PACRG: variants seen among roughly 807,000 people sequenced by gnomAD.
PACRG encodes the protein parkin coregulated gene protein.
PACRG carries 29 observed loss-of-function variants against 29.7 expected under a neutral mutation model. The ratio of observed to expected loss-of-function variants is 0.98; its 90% CI spans 0.73 to 1.33. The LOEUF (loss-of-function observed/expected upper bound fraction) is 1.33. Among genes scored for constraint, PACRG ranks in the 40% most tolerant of loss-of-function variants. The pLI is 0.00. For synonymous variants in PACRG, 116 were observed against 118.7 expected, an observed-to-expected ratio of 0.98 and a Z score of 0.15; for missense variants, 279 against 316.2, an observed-to-expected ratio of 0.88 and a Z score of 0.89.
At chr6:163,071,880 A>G (rs955243484) in intron 3 of PACRG, among the ~76,000 whole-genome samples, 2 of 151,654 alleles carry the variant, frequency 1.3e-5, no homozygotes, top group Non-Finnish European at 2.9e-5. Flanking sequence ...AGGTTGAATC[A>G]TAAAGAAATC....
At chr6:162,755,714 GGCATGA>G (rs1279319711) in intron 1 of PACRG, among the ~76,000 whole-genome samples, 1 of 152,176 alleles carries the variant, frequency 6.6e-6, no homozygotes, top group Non-Finnish European at 1.5e-5. Context: ...TGGGATTACA[GGCATGA>G]GCCATGGCAC....
intron 4 of PACRG, among the ~76,000 whole-genome samples, chr6:163,239,238 T>C (rs1259368202): frequency 6.6e-6 from 1 of 152,228 alleles, no homozygotes; most frequent in Non-Finnish European, 1.5e-5. Flanking sequence ...TGATTATTTT[T>C]CTAACCTTCA....
At chr6:162,924,262 C>T (rs764069131) in intron 2 of PACRG, among the ~76,000 whole-genome samples, 4 of 151,794 alleles carry the variant, frequency 2.6e-5, no homozygotes, top group Non-Finnish European at 5.9e-5. Flanking sequence ...TACTGATTTC[C>T]CTTATCAGTT....
intron 1 of PACRG, among the ~76,000 whole-genome samples, chr6:162,790,983 CAT>C (rs1784886804): frequency 6.6e-6 from 1 of 152,154 alleles, no homozygotes; most frequent in African/African-American, 2.4e-5. Context: ...AAAGGAGAAA[CAT>C]ATGTATTTAA....
chr6:163,115,167 A>G (rs1001414234), intron 4 of PACRG, among the ~76,000 whole-genome samples: 1 of 152,182 alleles, frequency 6.6e-6, no homozygotes, highest in African/African-American at 2.4e-5. Flanking sequence ...TCAATACTTA[A>G]TGAATACCTA....
intron 2 of PACRG, among the ~76,000 whole-genome samples, chr6:163,015,919 CATA>C (rs1448506626): frequency 2.0e-5 from 3 of 152,114 alleles, no homozygotes; most frequent in Non-Finnish European, 4.4e-5. Context: ...TTATTAAAAT[CATA>C]ATAAGTTTTT....
At chr6:163,190,720 A>C (rs1780171303) in intron 4 of PACRG, 1 of 222,058 alleles carries the variant, frequency 4.5e-6, no homozygotes. Flanking sequence ...TGGAGCCTAG[A>C]ACTAGAATTG....
Position 163,218,986 on chromosome 6 carries a change from C to T in PACRG, c.614-95841C>T, listed in dbSNP as rs114835296. ...AGGACAGCCCCCACTGCGCTTACTC[C>T]GCATAGAAGGTCCACAGTGCCTGTT... is the stretch of plus-strand genomic sequence containing the variant. On this transcript the variant is annotated intron_variant, in intron 4 of 4. Transcript: ENST00000366888. Among the ~76,000 whole-genome samples, 803 of 152,340 alleles carry T rather than the reference C, an allele frequency of 5.3e-3. 8 individuals carry two copies. The highest frequency in any genetic ancestry group is 0.018 in the African/African-American group (730 of 41,576).
chr6:163,009,053 C>G (rs544026063), intron 2 of PACRG, among the ~76,000 whole-genome samples: 131 of 152,250 alleles, frequency 8.6e-4, no homozygotes, highest in Admixed American at 3.8e-3. Flanking sequence ...TGTTTAGGTA[C>G]TGGGCAAAAT....
intron 4 of PACRG, among the ~76,000 whole-genome samples, chr6:163,212,289 T>A (rs1375668281): frequency 6.6e-6 from 1 of 152,170 alleles, no homozygotes; most frequent in East Asian, 1.9e-4. Context: ...ACTATGTGTA[T>A]GTGTGTATAG....
At chr6:163,161,096 A>C (rs769251000) in intron 4 of PACRG, among the ~76,000 whole-genome samples, 1 of 152,098 alleles carries the variant, frequency 6.6e-6, no homozygotes, top group Non-Finnish European at 1.5e-5. Context: ...TGCTCTTGAC[A>C]TCCATCTTCC....
At chr6:163,148,210 T>G (rs1175295912) in intron 4 of PACRG, among the ~76,000 whole-genome samples, 1 of 152,242 alleles carries the variant, frequency 6.6e-6, no homozygotes, top group Non-Finnish European at 1.5e-5. Context: ...TGAGCATCCA[T>G]GGCCATTAGA....
At chr6:163,114,132 C>A (rs548266697) in intron 4 of PACRG, among the ~76,000 whole-genome samples, 2 of 152,250 alleles carry the variant, frequency 1.3e-5, no homozygotes, top group East Asian at 3.9e-4. Context: ...CCCCTGTAAT[C>A]CCAGCTACTT....
At chr6:162,810,943 A>G (rs1349277997) in intron 1 of PACRG, among the ~76,000 whole-genome samples, 2 of 152,202 alleles carry the variant, frequency 1.3e-5, no homozygotes, top group Non-Finnish European at 2.9e-5. Flanking sequence ...ACAAAGTTGA[A>G]CAAACTTCAA....
At chr6:163,041,753 G>A (rs962932823) in intron 2 of PACRG, among the ~76,000 whole-genome samples, 11 of 152,222 alleles carry the variant, frequency 7.2e-5, no homozygotes, top group African/African-American at 9.6e-5. Context: ...AACGAAGACA[G>A]AATAATCCAC....
chr6:162,790,620 A>G (rs968481018), intron 1 of PACRG, among the ~76,000 whole-genome samples: 1 of 152,236 alleles, frequency 6.6e-6, no homozygotes, highest in South Asian at 2.1e-4. Context: ...ACTGCCCTTT[A>G]CACATCTTAC....
Position 163,123,804 on chromosome 6 carries a change from C to A in PACRG, c.613+34396C>A, listed in dbSNP as rs538477079. On this transcript the variant is annotated intron_variant, in intron 4 of 4. Transcript: ENST00000366888. ...TAGCATAATGTCTTCCAGATCTGTCCGTGTTGTCACAAATGGTAGTATTTC... is the reference window on the plus strand; with the variant it reads ...TAGCATAATGTCTTCCAGATCTGTCAGTGTTGTCACAAATGGTAGTATTTC... 1.5e-3 allele frequency among the ~76,000 whole-genome samples: 223 copies of A among 152,276 alleles called. 1 individual carries two copies. The highest frequency in any genetic ancestry group is 5.0e-3 in the African/African-American group (206 of 41,546).
intron 2 of PACRG, among the ~76,000 whole-genome samples, chr6:162,896,419 C>T (rs1469214081): frequency 1.3e-5 from 2 of 152,160 alleles, no homozygotes; most frequent in South Asian, 2.1e-4. Flanking sequence ...TGTGAAGGTC[C>T]AGGGATAATT....
At chr6:163,223,804 C>T (rs552266610) in intron 4 of PACRG, among the ~76,000 whole-genome samples, 2 of 152,220 alleles carry the variant, frequency 1.3e-5, no homozygotes, top group East Asian at 1.9e-4. Flanking sequence ...GGCAGAATGG[C>T]ATGCATTATG....
Sources: gnomAD v4.1 joint callset for allele counts (sites outside exome capture counted in the v4.1 genomes callset) on GRCh38, gnomAD v4.1.1 for gene constraint, MANE v1.5 for transcripts, NCBI Gene and HGNC (gene_info 2026-07-23, HGNC 2026-07-21) for gene names.